Variants in CSMD3 observed in about 807,000 individuals in gnomAD.
CSMD3 encodes CUB and sushi domain-containing protein 3.
In CSMD3, 177 loss-of-function variants were observed where a neutral mutation model predicts 435.2. The observed-to-expected ratio is 0.41, with a 90% CI of 0.36 to 0.46. CSMD3 has a LOEUF of 0.46. Among genes scored for constraint, CSMD3 ranks in the 20% least tolerant of loss-of-function variants. The probability of loss-of-function intolerance (pLI) is 0.34; values close to 1 mark genes in which losing one functional copy is unlikely to be tolerated. For missense variants in CSMD3, 4,265 were observed against 4,504.6 expected (o/e 0.95, Z 1.52); for synonymous variants, 1,656 against 1,520.5 (o/e 1.09, Z -2.07).
intron 70 of CSMD3, among the ~76,000 whole-genome samples, chr8:112,225,894 T>C (rs1300817913): frequency 1.3e-5 from 2 of 152,178 alleles, no homozygotes; most frequent in Non-Finnish European, 2.9e-5. Flanking sequence ...CTAATGCTAA[T>C]CTAGTTTATC....
At chr8:112,630,906 G>T (rs1353661308) in intron 22 of CSMD3, among the ~76,000 whole-genome samples, 2 of 148,326 alleles carry the variant, frequency 1.3e-5, no homozygotes, top group Non-Finnish European at 3.0e-5. Context: ...TTTTGAGATG[G>T]TTGAGAATTA....
At chr8:113,429,933 G>A (rs2094660644) in intron 1 of CSMD3, among the ~76,000 whole-genome samples, 1 of 152,148 alleles carries the variant, frequency 6.6e-6, no homozygotes, top group African/African-American at 2.4e-5. Flanking sequence ...GTGACAAGAT[G>A]AATGAACAAA....
At chr8:112,428,449 T>G (rs537978025) in intron 32 of CSMD3, among the ~76,000 whole-genome samples, 2 of 152,208 alleles carry the variant, frequency 1.3e-5, no homozygotes, top group African/African-American at 4.8e-5. Flanking sequence ...CCTGAAAACT[T>G]GATCTCAAAT....
chr8:113,247,877 T>C (rs1008366227), intron 3 of CSMD3, among the ~76,000 whole-genome samples: 1 of 152,070 alleles, frequency 6.6e-6, no homozygotes, highest in Non-Finnish European at 1.5e-5. Context: ...AACTGACATA[T>C]AATAAAACAG....
intron 32 of CSMD3, among the ~76,000 whole-genome samples, chr8:112,428,723 A>T (rs1813343099): frequency 6.6e-6 from 1 of 152,150 alleles, no homozygotes; most frequent in East Asian, 1.9e-4. Flanking sequence ...TCCCCTCTAC[A>T]TATATGACAT....
At chr8:113,206,889 C>T (rs909076602) in intron 3 of CSMD3, among the ~76,000 whole-genome samples, 1 of 152,150 alleles carries the variant, frequency 6.6e-6, no homozygotes, top group Non-Finnish European at 1.5e-5. Context: ...AATATTCTTA[C>T]ATACTATCAA....
intron 1 of CSMD3, among the ~76,000 whole-genome samples, chr8:113,343,035 A>T (rs532948184): frequency 6.6e-6 from 1 of 151,950 alleles, no homozygotes; most frequent in South Asian, 2.1e-4. Flanking sequence ...GAGTCAAAAT[A>T]GGAAGAAAAG....
chr8:113,166,028 C>T (rs1879740), intron 4 of CSMD3, among the ~76,000 whole-genome samples: 22,887 of 151,890 alleles, frequency 0.15, 3,328 homozygotes, highest in African/African-American at 0.38. Context: ...ATAAGAACAC[C>T]AGTGGATCTT....
At chr8:113,300,668 T>C (rs186451319) in intron 2 of CSMD3, among the ~76,000 whole-genome samples, 3 of 152,000 alleles carry the variant, frequency 2.0e-5, no homozygotes, top group East Asian at 3.9e-4. Flanking sequence ...ATGGGAACAA[T>C]AGATACTGGG....
At chr8:112,455,027 A>G (rs2130629784) in intron 32 of CSMD3, among the ~76,000 whole-genome samples, 1 of 151,158 alleles carries the variant, frequency 6.6e-6, no homozygotes, top group Admixed American at 6.6e-5. Flanking sequence ...GAGACCCTAT[A>G]TTAAAAAAAA....
chr8:112,536,774 G>A (rs888267117), intron 27 of CSMD3, among the ~76,000 whole-genome samples: 53 of 151,096 alleles, frequency 3.5e-4, no homozygotes, highest in African/African-American at 1.2e-3. Context: ...CAACCCAAAT[G>A]TCCATCAATG....
At chr8:113,317,231 G>A (rs1295216541) in intron 1 of CSMD3, among the ~76,000 whole-genome samples, 3 of 152,128 alleles carry the variant, frequency 2.0e-5, no homozygotes, top group Non-Finnish European at 4.4e-5. Context: ...TTCTTGCAGA[G>A]CAATTACTTT....
chr8:113,374,164 A>C (rs1053481577), intron 1 of CSMD3, among the ~76,000 whole-genome samples: 1 of 152,082 alleles, frequency 6.6e-6, no homozygotes, highest in African/African-American at 2.4e-5. Context: ...TGCAGAGAAC[A>C]ATCATATATA....
chr8:113,339,708 A>G (rs2094104536), intron 1 of CSMD3, among the ~76,000 whole-genome samples: 1 of 151,954 alleles, frequency 6.6e-6, no homozygotes, highest in Admixed American at 6.6e-5. Flanking sequence ...CCTGTTACTG[A>G]GCAACTTCAT....
chr8:113,418,015 G>A (rs1406223134), intron 1 of CSMD3, among the ~76,000 whole-genome samples: 2 of 151,998 alleles, frequency 1.3e-5, no homozygotes, highest in Admixed American at 6.6e-5. Context: ...ATATTCTATT[G>A]TAAATCCATC....
rs1830696305 is a variant in CSMD3 at position 112,586,043 on chromosome 8, A to C, written c.3885+1023T>G. Among the ~76,000 whole-genome samples the C allele has an allele frequency of 2.0e-5, 3 of 151,802 alleles. No homozygotes were observed. In the South Asian group the frequency reaches 6.2e-4, roughly 31 times the overall value. On this transcript the variant is annotated intron_variant, in intron 23 of 70. Coordinates refer to ENST00000297405, the MANE Select transcript of CSMD3 (RefSeq NM_198123.2). ...CTAGATTAATGTTGAAATTGTATAC[A>C]TCTAGATACATTGTGAGAAATTTTC...
chr8:112,413,992 C>T (rs1336596104), intron 32 of CSMD3, among the ~76,000 whole-genome samples: 1 of 152,156 alleles, frequency 6.6e-6, no homozygotes, highest in Non-Finnish European at 1.5e-5. Context: ...TTTGCTTTCA[C>T]CAACAGTACT....
Position 112,341,515 on chromosome 8 carries a change from T to A in CSMD3, c.6614A>T (p.Tyr2205Phe). The stretch of plus-strand genomic sequence containing the variant: ...ATGAAACCCTTGTTTGTTTTGTGAA[T>A]AGTCACTGTGAAAATATAAGCTGGT... ...HETSLYFHSDYSQNKQGFHIV... is the reference protein window; with the variant it reads ...HETSLYFHSDFSQNKQGFHIV... Residue 2205 changes from tyrosine (Y) to phenylalanine (F), a missense_variant, in exon 42 of 71, where the codon TAT becomes TTT. Tyr to Phe is a conservative substitution (Grantham distance 22). Around this residue, in one of 3 missense-constraint regions of CSMD3, gnomAD observed 3,255 missense variants for 3,380.2 expected, o/e 0.96. Transcript: ENST00000297405. 6.2e-7 allele frequency: 1 copy of A among 1,613,254 alleles called. No homozygotes were observed. Among genetic ancestry groups the A allele is most frequent in the Non-Finnish European group, 8.5e-7 (1 of 1,179,254 alleles).
At position 112,616,464 on chromosome 8, in the gene CSMD3, T is replaced by C. The variant is rs764714326; in HGVS notation, c.3715+20353A>G. On this transcript the variant is annotated intron_variant, in intron 22 of 70. Transcript: ENST00000297405. ...TAAGCTATGGGCATTTATTGAATGCTTGAATTCAGAACATTATATTAATGA... is the reference window on the plus strand; with the variant it reads ...TAAGCTATGGGCATTTATTGAATGCCTGAATTCAGAACATTATATTAATGA... Among the ~76,000 whole-genome samples, 3 of 152,292 alleles carry C rather than the reference T, an allele frequency of 2.0e-5. 1 individual carries two copies. The highest frequency in any genetic ancestry group is 6.8e-3 in the Middle Eastern group (2 of 294).
Sources: allele counts gnomAD v4.1 joint callset (sites outside exome capture counted in the v4.1 genomes callset), GRCh38; gene constraint gnomAD v4.1.1; regional missense constraint gnomAD v4.1.1; transcripts MANE v1.5; gene names NCBI Gene and HGNC (gene_info 2026-07-23, HGNC 2026-07-21).